RASAL3: variants seen among roughly 807,000 people sequenced by gnomAD.
RASAL3 encodes the protein RAS protein activator like-3.
In RASAL3, 74 loss-of-function variants were observed where a neutral mutation model predicts 105.5. The observed-to-expected ratio is 0.70, with a 90% CI of 0.58 to 0.85. The LOEUF (loss-of-function observed/expected upper bound fraction) is 0.85, where lower values mean the gene tolerates loss of function less well. RASAL3 is among the 40% of genes least tolerant of loss of function. RASAL3 has a pLI of 0.00. For synonymous variants in RASAL3, 579 were observed against 591.6 expected, an observed-to-expected ratio of 0.98 and a Z score of 0.31; for missense variants, 1,352 against 1,392.0, an observed-to-expected ratio of 0.97 and a Z score of 0.46.
In RASAL3 at chr19:15,456,193, G is replaced by T; in HGVS notation, c.1632C>A (p.Ser544Arg). 1 of 1,613,790 alleles carries T rather than the reference G, an allele frequency of 6.2e-7. No individual in the cohort carries two copies. The highest frequency in any genetic ancestry group is 8.5e-7 in the Non-Finnish European group (1 of 1,179,826). ...ASTEDCEVDP[S>R]KCPASELPEH... ...CTGGCAGCTCCGAGGCTGGACATTT[G>T]CTGGGGTCCACTTCACAGTCCTCAG... Residue 544 changes from serine to arginine, a missense_variant, in exon 11 of 18, where the codon AGC (serine) becomes AGA (arginine). Coordinates refer to ENST00000343625, the MANE Select transcript of RASAL3 (RefSeq NM_022904.3). This position sits in a 1 kb window ranked among gnomAD's most constrained non-coding sequence, Gnocchi z 4.4.
In RASAL3 at chr19:15,453,017, T is replaced by C. The variant is rs1367814504; in HGVS notation, c.2670+90A>G. On this transcript the variant is annotated intron_variant, in intron 15 of 17. Coordinates refer to ENST00000343625, the MANE Select transcript of RASAL3 (RefSeq NM_022904.3). The surrounding 1 kb of genome is among the most constrained non-coding windows in gnomAD (Gnocchi z 4.2). ...GGGTCACACAGCACAGCGAGCTGGG[T>C]ACTTGAACCCAGACTTGCCTGGCCC... is the stretch of plus-strand genomic sequence containing the variant. 1.9e-6 allele frequency: 3 copies of C among 1,562,732 alleles called. No individual in the cohort carries two copies. Among genetic ancestry groups the C allele is most frequent in the Admixed American group, 1.8e-5 (1 of 55,010 alleles).
rs1970358197 is a variant in RASAL3, at chr19:15,457,414, C to T, written c.1309G>A (p.Glu437Lys). ...LPSERYKELA[E>K]FLTFHYARLC... ...CGCGCATAGTGGAAGGTGAGGAACT[C>T]CGCCAGCTCCTTGTAGCGCTCGGAC... The change falls in exon 9 of 18, where the codon GAG (glutamate) becomes AAG (lysine). Residue 437 changes from glutamate (E) to lysine (K), a missense_variant. Transcript: ENST00000343625. This position sits in a 1 kb window ranked among gnomAD's most constrained non-coding sequence, Gnocchi z 8.6. The T allele has an allele frequency of 6.9e-7, 1 of 1,448,114 alleles. No individual in the cohort carries two copies. The highest frequency in any genetic ancestry group is 9.1e-7 in the Non-Finnish European group (1 of 1,104,006). 89.7% of individuals were successfully genotyped at this position (1,448,114 alleles called of 1,614,324 possible).
Position 15,456,459 on chromosome 19 carries a change from A to G in RASAL3, c.1576+43T>C. On this transcript the variant is annotated intron_variant, in intron 10 of 17. Coordinates refer to ENST00000343625, the MANE Select transcript of RASAL3 (RefSeq NM_022904.3). This position sits in a 1 kb window ranked among gnomAD's most constrained non-coding sequence, Gnocchi z 4.4. ...TCTTAGAACTTCACCCAGGTCCCCT[A>G]GCTCACCAGCAGGCCGCTGACATGG... 1 of 1,609,020 alleles carries G rather than the reference A, an allele frequency of 6.2e-7. No homozygotes were observed. The highest frequency in any genetic ancestry group is 8.5e-7 in the Non-Finnish European group (1 of 1,177,052).
rs1970601132 is a variant in RASAL3, at chr19:15,464,169, G to C, written c.190C>G (p.Arg64Gly). 1 of 1,613,148 alleles carries C rather than the reference G, an allele frequency of 6.2e-7. No individual in the cohort carries two copies. The part of the protein sequence containing the change: ...EPMVSTQPAP[R>G]SIFRRVLSAP... ...GATAGGACCCGACGGAATATCGAGC[G>C]AGGGGCTGGCTGGGTGCTGACCATG... The change falls in exon 2 of 18, where the codon CGC becomes GGC. Residue 64 changes from arginine (R) to glycine (G), a missense_variant. Around this residue, in one of 3 missense-constraint regions of RASAL3, gnomAD observed 344 missense variants for 339.6 expected, o/e 1.01. Coordinates refer to ENST00000343625, the MANE Select transcript of RASAL3 (RefSeq NM_022904.3).
chr19:15,458,021 T>G, intron 8 of RASAL3, 187 bp from the exon 9 acceptor site: 1 of 702,428 alleles, frequency 1.4e-6, no homozygotes, highest in Admixed American at 2.9e-5. Flanking sequence ...CTAGCTTTTC[T>G]GGGCTCTCCG....
In RASAL3 at chr19:15,454,407, G is replaced by A. The variant is rs1468861785; in HGVS notation, c.2114C>T (p.Ala705Val). Residue 705 changes from alanine (A) to valine (V), a missense_variant, in exon 13 of 18, where the codon GCT becomes GTT. Coordinates refer to ENST00000343625, the MANE Select transcript of RASAL3 (RefSeq NM_022904.3). ...QGSGDLALQL[A>V]VLHAQLCTIF... is the part of the protein sequence containing the mutation. ...TGTACAGAGCTGGGCATGCAGGACA[G>A]CTAACTGGAGGGCCAGATCACCACT... The A allele has an allele frequency of 5.0e-6, 8 of 1,613,804 alleles. No homozygotes were observed. The highest frequency in any genetic ancestry group is 6.8e-6 in the Non-Finnish European group (8 of 1,179,862).
Position 15,453,013 on chromosome 19 carries a change from T to G in RASAL3, c.2670+94A>C. 1.3e-6 allele frequency: 2 copies of G among 1,556,946 alleles called. No individual in the cohort carries two copies. Among genetic ancestry groups the G allele is most frequent in the Non-Finnish European group, 1.7e-6 (2 of 1,148,752 alleles). ...CCTGGGGTCACACAGCACAGCGAGC[T>G]GGGTACTTGAACCCAGACTTGCCTG... On this transcript the variant is annotated intron_variant, in intron 15 of 17. Coordinates refer to ENST00000343625, the MANE Select transcript of RASAL3 (RefSeq NM_022904.3). The surrounding 1 kb of genome is among the most constrained non-coding windows in gnomAD (Gnocchi z 4.2).
chr19:15,454,607 C>A, intron 12 of RASAL3, 45 bp from the exon 13 acceptor site: 3 of 1,611,864 alleles, frequency 1.9e-6, no homozygotes, highest in Non-Finnish European at 1.7e-6. Context: ...GCACCTGCCA[C>A]CCCCACACTC....
Position 15,464,487 on chromosome 19 carries a change from C to T in RASAL3, c.-20+18G>A. 1 of 889,562 alleles carries T rather than the reference C, an allele frequency of 1.1e-6. No homozygotes were observed. The highest frequency in any genetic ancestry group is 1.7e-6 in the Non-Finnish European group (1 of 587,554). 55.1% of individuals were successfully genotyped at this position (889,562 alleles called of 1,614,324 possible). On this transcript the variant is annotated intron_variant, in intron 1 of 17. Transcript: ENST00000343625. Reference sequence around the variant, plus strand: ...CCTCCAGGAATCCCCCTGCCCCCACCTCCACTCCCTCCCTTACCTTGGTTT... The same window carrying T: ...CCTCCAGGAATCCCCCTGCCCCCACTTCCACTCCCTCCCTTACCTTGGTTT...
At chr19:15,461,023 TCTCCC>T in intron 5 of RASAL3, 32 bp downstream of exon 5, 1 of 1,603,132 alleles carries the variant, frequency 6.2e-7, no homozygotes, top group Non-Finnish European at 8.5e-7. Flanking sequence ...GAGTCTTGGC[TCTCCC>T]CTCTACCTCC....
chr19:15,461,928 G>T (rs575323250), intron 2 of RASAL3, among the ~76,000 whole-genome samples: 1 of 152,324 alleles, frequency 6.6e-6, no homozygotes, highest in South Asian at 2.1e-4. Context: ...CTTGCTCAGG[G>T]TCACACAGTT....
At chr19:15,452,870 C>T in intron 15 of RASAL3, 55 bp from the exon 16 acceptor site, 1 of 1,484,144 alleles carries the variant, frequency 6.7e-7, no homozygotes, top group East Asian at 2.5e-5. Context: ...TGTGTCTCCC[C>T]GGAGACCCTG....
chr19:15,456,251 G>T lies in RASAL3; in HGVS notation c.1577-3C>A, dbSNP rs1463936665. On this transcript the variant is annotated splice_region_variant and splice_polypyrimidine_tract_variant and intron_variant, in intron 10 of 17. Coordinates refer to ENST00000343625, the MANE Select transcript of RASAL3 (RefSeq NM_022904.3). The surrounding 1 kb of genome is among the most constrained non-coding windows in gnomAD (Gnocchi z 4.4). ...ACAGAGACGCCGCACAACCTGTCCT[G>T]CAGCCCAGCACAGCCAGATAGGGGC... 67 of 1,612,800 alleles carry T rather than the reference G, an allele frequency of 4.2e-5. No individual in the cohort carries two copies. The highest frequency in any genetic ancestry group is 5.5e-5 in the Non-Finnish European group (65 of 1,179,244).
At position 15,454,341 on chromosome 19, in the gene RASAL3, A is replaced by T; in HGVS notation, c.2160+20T>A. On this transcript the variant is annotated intron_variant, in intron 13 of 17. Coordinates refer to ENST00000343625, the MANE Select transcript of RASAL3 (RefSeq NM_022904.3). The stretch of plus-strand genomic sequence containing the variant: ...GTCTCCCAAGCCTTCTTGCCTCCCT[A>T]CTCTGGGTTCAGGCCATACCTGGTC... 1 of 1,596,892 alleles carries T rather than the reference A, an allele frequency of 6.3e-7. No homozygotes were observed. Among genetic ancestry groups the T allele is most frequent in the Non-Finnish European group, 8.5e-7 (1 of 1,171,016 alleles).
chr19:15,457,364 C>T lies in RASAL3; in HGVS notation c.1359G>A (p.Ala453=). 2.1e-6 allele frequency: 3 copies of T among 1,424,846 alleles called. No homozygotes were observed. The highest frequency in any genetic ancestry group is 2.7e-6 in the Non-Finnish European group (3 of 1,096,690). 88.3% of individuals were successfully genotyped at this position (1,424,846 alleles called of 1,614,324 possible). The change falls in exon 9 of 18, where the codon GCG becomes GCA. Residue 453 remains alanine, a synonymous_variant. Coordinates refer to ENST00000343625, the MANE Select transcript of RASAL3 (RefSeq NM_022904.3). This position sits in a 1 kb window ranked among gnomAD's most constrained non-coding sequence, Gnocchi z 8.6. ...YARLCGALEP[A]LPAQAKEELA... ...GCTCCTCCTTGGCCTGCGCAGGCAG[C>T]GCGGGCTCCAGGGCCCCGCAGAGGC...
Position 15,464,276 on chromosome 19 carries a change from C to A in RASAL3, c.83G>T (p.Gly28Val), listed in dbSNP as rs765673574. The A allele has an allele frequency of 6.2e-6, 10 of 1,609,598 alleles. No homozygotes were observed. Among genetic ancestry groups the A allele is most frequent in the East Asian group, 2.2e-5 (1 of 44,726 alleles). ...SPLTSYRWHT[G>V]GGGEKAAGGF... ...TCCAGCCGCCTTCTCCCCACCGCCCCCTGTGTGCCAGCGGTAGGAAGTCAG... is the reference window on the plus strand; with the variant it reads ...TCCAGCCGCCTTCTCCCCACCGCCCACTGTGTGCCAGCGGTAGGAAGTCAG... Residue 28 changes from glycine (G) to valine (V), a missense_variant, in exon 2 of 18, where the codon GGG (glycine) becomes GTG (valine). Transcript: ENST00000343625.
chr19:15,453,466 C>A lies in RASAL3; in HGVS notation c.2311G>T (p.Ala771Ser). Reference sequence around the variant, plus strand: ...GTGTGCTTGGGGAGGTCCCGGGGGGCCAGGAAGCCGGGCTTCTCCCCTGCG... The same window carrying A: ...GTGTGCTTGGGGAGGTCCCGGGGGGACAGGAAGCCGGGCTTCTCCCCTGCG... ...LSAGEKPGFL[A>S]PRDLPKHTPL... The change falls in exon 15 of 18, where the codon GCC becomes TCC. Residue 771 changes from alanine to serine, a missense_variant. Ala to Ser is a moderately conservative substitution (Grantham distance 99). This residue lies in a region of RASAL3 where 920 missense variants were observed against 919.6 expected (regional missense o/e 1.00). Transcript: ENST00000343625. The surrounding 1 kb of genome is among the most constrained non-coding windows in gnomAD (Gnocchi z 4.2). The A allele has an allele frequency of 1.3e-6, 2 of 1,541,170 alleles. No individual in the cohort carries two copies. The highest frequency in any genetic ancestry group is 8.7e-7 in the Non-Finnish European group (1 of 1,154,790).
At position 15,461,714 on chromosome 19, in the gene RASAL3, C is replaced by T. The variant is rs1027841081; in HGVS notation, c.329-107G>A. 36 of 1,399,516 alleles carry T rather than the reference C, an allele frequency of 2.6e-5. No homozygotes were observed. In the South Asian group the frequency reaches 5.7e-4, roughly 22 times the overall value. 86.7% of individuals were successfully genotyped at this position (1,399,516 alleles called of 1,614,324 possible). On this transcript the variant is annotated intron_variant, in intron 2 of 17. Coordinates refer to ENST00000343625, the MANE Select transcript of RASAL3 (RefSeq NM_022904.3). ...GGTGGGTTCCCTCCTAGGTGCCCCC[C>T]ACCCCAGCAGCCGTATCAGACTGTA...
At position 15,454,581 on chromosome 19, in the gene RASAL3, G is replaced by A; in HGVS notation, c.1959-19C>T. ...ACCGAACCTGGATCAGGGCCAGGCTGGGTGGGTCAGGTCAGGCACCTGCCA... is the reference window on the plus strand; with the variant it reads ...ACCGAACCTGGATCAGGGCCAGGCTAGGTGGGTCAGGTCAGGCACCTGCCA... On this transcript the variant is annotated intron_variant, in intron 12 of 17. Transcript: ENST00000343625. The A allele has an allele frequency of 6.2e-7, 1 of 1,613,580 alleles. No homozygotes were observed. The highest frequency in any genetic ancestry group is 8.5e-7 in the Non-Finnish European group (1 of 1,179,604).
Sources: allele counts gnomAD v4.1 joint callset (sites outside exome capture counted in the v4.1 genomes callset), GRCh38; gene constraint gnomAD v4.1.1; regional missense constraint gnomAD v4.1.1; non-coding constraint Gnocchi (gnomAD v3.1); transcripts MANE v1.5; gene names NCBI Gene and HGNC (gene_info 2026-07-23, HGNC 2026-07-21).